The following HS3ST6 variants were observed in gnomAD, a reference collection of about 807,000 sequenced individuals.
The protein encoded by HS3ST6 is heparan sulfate-glucosamine 3-sulfotransferase 6, also known as heparan sulfate glucosamine 3-O-sulfotransferase 6.
Under a neutral mutation model 11.0 loss-of-function variants are expected in HS3ST6, and 13 were observed. The ratio of observed to expected loss-of-function variants is 1.18; its 90% CI spans 0.77 to 1.88. The LOEUF is 1.88. Among genes scored for constraint, HS3ST6 ranks in the 40% most tolerant of loss-of-function variants. The pLI is 0.00. For synonymous variants in HS3ST6, 232 were observed against 230.6 expected (o/e 1.01, Z -0.06); for missense variants, 541 against 494.4 (o/e 1.09, Z -0.89).
In HS3ST6 at chr16:1,911,809, T is replaced by C. The variant is rs200020170; in HGVS notation, c.810A>G (p.Lys270=). The part of the protein sequence containing the change: ...VGRVQDFLGL[K]RVVTDKHFYF... ...AGAAGTGCTTGTCCGTGACGACCCG[T>C]TTCAGGCCCAGGAAGTCCTGCACGC... is the stretch of plus-strand genomic sequence containing the variant. Residue 270 remains lysine, a synonymous_variant, in exon 2 of 2, where the codon AAA becomes AAG. Coordinates refer to ENST00000454677, the MANE Select transcript of HS3ST6 (RefSeq NM_001009606.4). The C allele has an allele frequency of 6.6e-5, 106 of 1,613,830 alleles. No individual in the cohort carries two copies. The African/African-American group carries it at 1.0e-3, about 16-fold the overall frequency.
In HS3ST6 at chr16:1,918,039, G is replaced by A. The variant is rs1347109239; in HGVS notation, c.285C>T (p.Ile95=). ...GCGTGCCGCCCTTCTTCACGCCAAC[G>A]ATGAGCGCTTGCGGGAAGCGCCGGC... ...PGRRRFPQAL[I]VGVKKGGTRA... Residue 95 remains isoleucine (I), a synonymous_variant, in exon 1 of 2, where the codon ATC becomes ATT. Transcript: ENST00000454677. This position sits in a 1 kb window ranked among gnomAD's most constrained non-coding sequence, Gnocchi z 6.0. 6.6e-7 allele frequency: 1 copy of A among 1,523,314 alleles called. No homozygotes were observed. Among genetic ancestry groups the A allele is most frequent in the Non-Finnish European group, 8.8e-7 (1 of 1,142,644 alleles). 94.4% of individuals were successfully genotyped at this position (1,523,314 alleles called of 1,614,324 possible). A position where few individuals can be genotyped will look rare whatever the true frequency, so the allele number is the denominator to read the frequency against.
upstream of HS3ST6, among the ~76,000 whole-genome samples, chr16:1,920,607 C>G (rs2150848456): frequency 6.6e-6 from 1 of 152,318 alleles, no homozygotes; most frequent in East Asian, 1.9e-4. Context: ...ATGCTTTATC[C>G]TTAGTCCCCG....
chr16:1,914,800 G>A (rs34284757), intron 1 of HS3ST6, among the ~76,000 whole-genome samples: 4 of 152,134 alleles, frequency 2.6e-5, no homozygotes, highest in Admixed American at 6.5e-5. Flanking sequence ...CTCAGAGATC[G>A]GAGATCTTTG....
chr16:1,918,814 G>C (rs2082945575), upstream of HS3ST6, among the ~76,000 whole-genome samples: 1 of 152,178 alleles, frequency 6.6e-6, no homozygotes, highest in African/African-American at 2.4e-5. This position sits in a 1 kb window ranked among gnomAD's most constrained non-coding sequence, Gnocchi z 6.0. Context: ...TGGCCTGCAG[G>C]AGCGGGAGCC....
At chr16:1,919,678 G>T (rs1267650978), upstream of HS3ST6, among the ~76,000 whole-genome samples, 1 of 152,232 alleles carries the variant, frequency 6.6e-6, no homozygotes, top group African/African-American at 2.4e-5. Flanking sequence ...GCTGCCTCAA[G>T]GGGCCGAAGG....
Position 1,912,061 on chromosome 16 carries a change from C to A in HS3ST6, c.558G>T (p.Arg186=). 1 of 1,514,796 alleles carries A rather than the reference C, an allele frequency of 6.6e-7. No individual in the cohort carries two copies. The highest frequency in any genetic ancestry group is 2.3e-5 in the East Asian group (1 of 43,148). 93.8% of individuals were successfully genotyped at this position (1,514,796 alleles called of 1,614,324 possible). Residue 186 remains arginine (R), a synonymous_variant, in exon 2 of 2, where the codon CGG becomes CGT. Transcript: ENST00000454677. The surrounding 1 kb of genome is among the most constrained non-coding windows in gnomAD (Gnocchi z 5.6). The part of the protein sequence containing the change: ...LIVVVRNPVT[R]AISDYAQTLS... ...GCGTCTGGGCGTAGTCGGAGATGGC[C>A]CGGGTCACGGGGTTCCGCACCACCA...
At position 1,918,016 on chromosome 16, in the gene HS3ST6, G is replaced by C. The variant is rs748661734; in HGVS notation, c.308C>G (p.Thr103Arg). ...CCGCAGAAACTCCAGCAGGGCGCGC[G>C]TGCCGCCCTTCTTCACGCCAACGAT... ...ALIVGVKKGG[T>R]RALLEFLRLH... The change falls in exon 1 of 2, where the codon ACG (threonine) becomes AGG (arginine). Residue 103 changes from threonine to arginine, a missense_variant. By Grantham distance (71) the Thr-to-Arg change is moderately conservative (BLOSUM62 -1). Coordinates refer to ENST00000454677, the MANE Select transcript of HS3ST6 (RefSeq NM_001009606.4). The surrounding 1 kb of genome is among the most constrained non-coding windows in gnomAD (Gnocchi z 6.0). 2 of 1,538,948 alleles carry C rather than the reference G, an allele frequency of 1.3e-6. No homozygotes were observed. Among genetic ancestry groups the C allele is most frequent in the South Asian group, 2.4e-5 (2 of 83,052 alleles).
intron 1 of HS3ST6, among the ~76,000 whole-genome samples, chr16:1,913,463 G>A (rs941756735): frequency 6.6e-5 from 10 of 152,322 alleles, no homozygotes; most frequent in Admixed American, 2.0e-4. Flanking sequence ...GCAGTGCCCC[G>A]GGCAGCACCT....
chr16:1,917,019 T>C (rs1025455273), intron 1 of HS3ST6, among the ~76,000 whole-genome samples: 10 of 152,120 alleles, frequency 6.6e-5, no homozygotes, highest in East Asian at 1.9e-4. Context: ...AGCCACCCTA[T>C]TCTCACGGAG....
At chr16:1,920,641 G>T (rs1020740783), upstream of HS3ST6, among the ~76,000 whole-genome samples, 1 of 151,988 alleles carries the variant, frequency 6.6e-6, no homozygotes, top group Non-Finnish European at 1.5e-5. Flanking sequence ...GACTTTCCAG[G>T]AGGAATTGAC....
chr16:1,919,654 G>A (rs1219215458), upstream of HS3ST6, among the ~76,000 whole-genome samples: 1 of 152,252 alleles, frequency 6.6e-6, no homozygotes, highest in African/African-American at 2.4e-5. Context: ...ATCTGGACAA[G>A]TCCCAGCAGC....
In HS3ST6 at chr16:1,912,187, G is replaced by A. The variant is rs2082895417; in HGVS notation, c.432C>T (p.Thr144=). ...LAWYRSLMPR[T]LDGQITMEKT... Reference sequence around the variant, plus strand: ...TCTCCATGGTGATCTGCCCATCCAGGGTTCGGGGCATCAGACTCCTGCGGG... The same window carrying A: ...TCTCCATGGTGATCTGCCCATCCAGAGTTCGGGGCATCAGACTCCTGCGGG... The change falls in exon 2 of 2, where the codon ACC becomes ACT. Residue 144 remains threonine (T), a synonymous_variant. Transcript: ENST00000454677. This position sits in a 1 kb window ranked among gnomAD's most constrained non-coding sequence, Gnocchi z 5.6. The A allele has an allele frequency of 1.4e-6, 2 of 1,443,004 alleles. No individual in the cohort carries two copies. Among genetic ancestry groups the A allele is most frequent in the Non-Finnish European group, 1.8e-6 (2 of 1,098,360 alleles). The allele number at this position is 1,443,004 out of a possible 1,614,324, so 89.4% of individuals were successfully genotyped here.
chr16:1,915,010 AGCCCTG>A, intron 1 of HS3ST6, among the ~76,000 whole-genome samples: 1 of 152,180 alleles, frequency 6.6e-6, no homozygotes, highest in Admixed American at 6.5e-5. Context: ...GCTTTCATCC[AGCCCTG>A]GGCGACCCTC....
chr16:1,914,306 A>C (rs1423123075), intron 1 of HS3ST6, among the ~76,000 whole-genome samples: 1 of 152,118 alleles, frequency 6.6e-6, no homozygotes, highest in East Asian at 1.9e-4. Flanking sequence ...TGGCGGTACC[A>C]AGGTCTGAGG....
At chr16:1,918,772 G>T (rs1008049126), upstream of HS3ST6, among the ~76,000 whole-genome samples, 19 of 152,262 alleles carry the variant, frequency 1.2e-4, no homozygotes, top group African/African-American at 4.3e-4. This position sits in a 1 kb window ranked among gnomAD's most constrained non-coding sequence, Gnocchi z 6.0. Context: ...CCCCACTCCG[G>T]GACGTGCGCG....
intron 1 of HS3ST6, among the ~76,000 whole-genome samples, chr16:1,915,854 C>T (rs1188458138): frequency 1.3e-5 from 2 of 152,214 alleles, no homozygotes; most frequent in African/African-American, 2.4e-5. Flanking sequence ...ATCCAGGACC[C>T]AACTGCCGAG....
At chr16:1,915,653 G>A (rs570799671) in intron 1 of HS3ST6, among the ~76,000 whole-genome samples, 19 of 152,304 alleles carry the variant, frequency 1.2e-4, no homozygotes, top group East Asian at 7.7e-4. Context: ...TTCCCAGATC[G>A]AGACCTTGGG....
At position 1,918,247 on chromosome 16, in the gene HS3ST6, C is replaced by A. The variant is rs1247795921; in HGVS notation, c.77G>T (p.Arg26Leu). The A allele has an allele frequency of 9.8e-7, 1 of 1,017,560 alleles. No homozygotes were observed. 63.0% of individuals were successfully genotyped at this position (1,017,560 alleles called of 1,614,324 possible). The change falls in exon 1 of 2, where the codon CGG (arginine) becomes CTG (leucine). Residue 26 changes from arginine to leucine, a missense_variant. Transcript: ENST00000454677. The surrounding 1 kb of genome is among the most constrained non-coding windows in gnomAD (Gnocchi z 6.0). ...GAGAGQGAAL[R>L]ASRAPMLLVA... ...GAGCAGCATCGGCGCGCGGGACGCC[C>A]GCAGAGCGGCCCCTTGCCCGGCCCC...
At chr16:1,920,104 G>A (rs1412551170), upstream of HS3ST6, among the ~76,000 whole-genome samples, 4 of 87,322 alleles carry the variant, frequency 4.6e-5, no homozygotes, top group East Asian at 4.2e-4. Context: ...GGTCTCAGGA[G>A]TCCCCACGGT....
Sources: gnomAD v4.1 joint callset for allele counts (sites outside exome capture counted in the v4.1 genomes callset) on GRCh38, gnomAD v4.1.1 for gene constraint, Gnocchi (gnomAD v3.1) non-coding constraint, MANE v1.5 for transcripts, NCBI Gene and HGNC (gene_info 2026-07-23, HGNC 2026-07-21) for gene names.